Variants in KCNC2 observed in about 807,000 individuals in gnomAD.
The protein encoded by KCNC2 is voltage-gated potassium channel KCNC2.
Under a neutral mutation model 44.5 loss-of-function variants are expected in KCNC2, and 21 were observed. The observed-to-expected ratio is 0.47, with a 90% CI of 0.33 to 0.68. The LOEUF is 0.68. KCNC2 is among the 30% of genes least tolerant of loss of function. The pLI, the probability that KCNC2 is intolerant of heterozygous loss-of-function variation, is 0.01. For missense variants in KCNC2, 589 were observed against 826.2 expected, an observed-to-expected ratio of 0.71 and a Z score of 3.52; for synonymous variants, 391 against 339.1, an observed-to-expected ratio of 1.15 and a Z score of -1.68.
chr12:75,084,245 AGAT>A (rs1884762928), intron 2 of KCNC2, among the ~76,000 whole-genome samples: 1 of 82,918 alleles, frequency 1.2e-5, no homozygotes, highest in East Asian at 3.2e-4. Flanking sequence ...ATAGATAGAT[AGAT>A]GATGATGATA....
chr12:75,182,561 C>T (rs958199973), intron 2 of KCNC2, among the ~76,000 whole-genome samples: 1 of 136,566 alleles, frequency 7.3e-6, no homozygotes, highest in African/African-American at 2.7e-5. Flanking sequence ...AAAAAACAAA[C>T]AGAAAGCACT....
chr12:75,066,924 T>C (rs10879880), intron 2 of KCNC2, among the ~76,000 whole-genome samples: 135,893 of 152,244 alleles, frequency 0.89, 60,697 homozygotes, highest in Admixed American at 0.92. Context: ...AAAGCTTAGG[T>C]GGGCATGGTG....
chr12:75,108,487 C>G (rs964747176), intron 2 of KCNC2, among the ~76,000 whole-genome samples: 4 of 152,162 alleles, frequency 2.6e-5, no homozygotes, highest in Non-Finnish European at 4.4e-5. Flanking sequence ...CCTCCACAGC[C>G]TCTAGAAAAA....
chr12:75,168,118 C>T (rs922603690), intron 2 of KCNC2, among the ~76,000 whole-genome samples: 15 of 151,140 alleles, frequency 9.9e-5, no homozygotes, highest in South Asian at 4.1e-4. Flanking sequence ...AAAAAATAAA[C>T]GCAACTTTTT....
At chr12:75,128,527 G>GA (rs1288677920) in intron 2 of KCNC2, among the ~76,000 whole-genome samples, 2 of 152,048 alleles carry the variant, frequency 1.3e-5, no homozygotes, top group Non-Finnish European at 1.5e-5. Flanking sequence ...TGTTCCCAAA[G>GA]ACAGCAGAGC....
At chr12:75,204,807 C>CA (rs2031559085) in intron 2 of KCNC2, among the ~76,000 whole-genome samples, 1 of 151,990 alleles carries the variant, frequency 6.6e-6, no homozygotes, top group Non-Finnish European at 1.5e-5. Flanking sequence ...AGAATGGTGA[C>CA]TTATGATTAC....
intron 2 of KCNC2, among the ~76,000 whole-genome samples, chr12:75,203,591 T>C (rs1018310621): frequency 2.7e-4 from 41 of 151,848 alleles, no homozygotes; most frequent in African/African-American, 8.5e-4. Context: ...TGGGGTTCCA[T>C]GGCAGTTATT....
At chr12:75,093,295 A>G (rs983634040) in intron 2 of KCNC2, among the ~76,000 whole-genome samples, 10 of 151,562 alleles carry the variant, frequency 6.6e-5, no homozygotes, top group African/African-American at 2.2e-4. Context: ...AGTAATGTCA[A>G]CTTCGCATAT....
intron 2 of KCNC2, among the ~76,000 whole-genome samples, chr12:75,088,639 C>T (rs543603729): frequency 1.4e-5 from 2 of 147,548 alleles, no homozygotes; most frequent in Non-Finnish European, 3.0e-5. Context: ...ATATGGTCAC[C>T]CTTTAAGTAC....
intron 2 of KCNC2, among the ~76,000 whole-genome samples, chr12:75,099,339 T>C (rs1285757093): frequency 6.6e-6 from 1 of 152,138 alleles, no homozygotes; most frequent in Non-Finnish European, 1.5e-5. Flanking sequence ...TAGTTCACAT[T>C]CAAATAAAGC....
At chr12:75,126,865 G>C (rs1305235764) in intron 2 of KCNC2, among the ~76,000 whole-genome samples, 1 of 152,050 alleles carries the variant, frequency 6.6e-6, no homozygotes, top group African/African-American at 2.4e-5. Context: ...GACTTCCTAG[G>C]GTTCTTAAAT....
Position 75,043,331 on chromosome 12 carries a change from T to A in KCNC2, c.1781-90A>T, listed in dbSNP as rs548736188. ...CATGCAGGGCAATCAAAAGTGCTAC[T>A]TTCAAGCTCAAAGAAGAATTTGTTT... is the stretch of plus-strand genomic sequence containing the variant. On this transcript the variant is annotated intron_variant, in intron 4 of 4. Coordinates refer to ENST00000549446, the MANE Select transcript of KCNC2 (RefSeq NM_139137.4). The A allele has an allele frequency of 1.1e-4, 161 of 1,504,068 alleles. 1 individual carries two copies. The South Asian group carries it at 2.1e-3, about 19-fold the overall frequency. 93.2% of individuals were successfully genotyped at this position (1,504,068 alleles called of 1,614,324 possible).
At chr12:75,104,347 C>T (rs987853993) in intron 2 of KCNC2, among the ~76,000 whole-genome samples, 7 of 152,198 alleles carry the variant, frequency 4.6e-5, no homozygotes, top group East Asian at 1.9e-4. Context: ...TCACTCAGAA[C>T]GGTACACAAT....
chr12:75,186,406 A>T (rs1217427838), intron 2 of KCNC2, among the ~76,000 whole-genome samples: 1 of 152,276 alleles, frequency 6.6e-6, no homozygotes, highest in African/African-American at 2.4e-5. Flanking sequence ...AAGATTTTAG[A>T]ATATGCATTT....
intron 2 of KCNC2, among the ~76,000 whole-genome samples, chr12:75,143,653 T>C (rs369211858): frequency 6.6e-6 from 1 of 152,192 alleles, no homozygotes; most frequent in East Asian, 1.9e-4. Context: ...CCTGACTTTA[T>C]GACATAAAAA....
chr12:75,068,222 T>A (rs1370424680), intron 2 of KCNC2, among the ~76,000 whole-genome samples: 3 of 152,188 alleles, frequency 2.0e-5, no homozygotes, highest in Non-Finnish European at 4.4e-5. Flanking sequence ...TAATAACTAC[T>A]GAGTAAACAC....
rs561042239 is a variant in KCNC2, at chr12:75,175,040, A to G, written c.687+32257T>C. Among the ~76,000 whole-genome samples, 6 of 152,016 alleles carry G rather than the reference A, an allele frequency of 3.9e-5. No individual in the cohort carries two copies. The South Asian group carries it at 1.2e-3, about 32-fold the overall frequency. ...AAGGAATCTGCTTCCTGCCTGCTCTATAGAACTTCCAAAGAAAAAACAGGA... is the reference window on the plus strand; with the variant it reads ...AAGGAATCTGCTTCCTGCCTGCTCTGTAGAACTTCCAAAGAAAAAACAGGA... On this transcript the variant is annotated intron_variant, in intron 2 of 4. Transcript: ENST00000549446.
Position 75,075,833 on chromosome 12 carries a change from C to T in KCNC2, c.688-24516G>A, listed in dbSNP as rs564230681. 5.5e-4 allele frequency among the ~76,000 whole-genome samples: 83 copies of T among 152,136 alleles called. 1 individual carries two copies. Among genetic ancestry groups the T allele is most frequent in the African/African-American group, 1.6e-3 (65 of 41,504 alleles). ...TCAAGATATTGTTTTACAATGCCTC[C>T]TTTAGAATGGACCTGAATAAATTCA... On this transcript the variant is annotated intron_variant, in intron 2 of 4. Coordinates refer to ENST00000549446, the MANE Select transcript of KCNC2 (RefSeq NM_139137.4).
At chr12:75,103,104 T>C (rs1383014169) in intron 2 of KCNC2, among the ~76,000 whole-genome samples, 1 of 152,120 alleles carries the variant, frequency 6.6e-6, no homozygotes, top group Non-Finnish European at 1.5e-5. Context: ...AGGTGCCGAA[T>C]TGCTTGCAAA....
Sources: gnomAD v4.1 joint callset for allele counts (sites outside exome capture counted in the v4.1 genomes callset) on GRCh38, gnomAD v4.1.1 for gene constraint, MANE v1.5 for transcripts, NCBI Gene and HGNC (gene_info 2026-07-23, HGNC 2026-07-21) for gene names.